Variants in NPAS3 observed in about 807,000 individuals in gnomAD.
NPAS3 encodes neuronal PAS domain-containing protein 3.
In NPAS3, 14 loss-of-function variants were observed where a neutral mutation model predicts 73.1. That is an observed-to-expected ratio of 0.19 (90% CI 0.13 to 0.30). The LOEUF (loss-of-function observed/expected upper bound fraction) is 0.30. Among genes scored for constraint, NPAS3 ranks in the 10% least tolerant of loss-of-function variants. NPAS3 has a pLI of 1.00. For synonymous variants in NPAS3, 620 were observed against 541.5 expected, an observed-to-expected ratio of 1.14 and a Z score of -2.01; for missense variants, 1,096 against 1,250.0, an observed-to-expected ratio of 0.88 and a Z score of 1.86.
chr14:33,657,491 C>T (rs2059177389), intron 5 of NPAS3, among the ~76,000 whole-genome samples: 1 of 152,176 alleles, frequency 6.6e-6, no homozygotes, highest in South Asian at 2.1e-4. Context: ...TCTTAAGTTC[C>T]TGGAAGAAGT....
chr14:33,089,531 C>A (rs1009492781), intron 2 of NPAS3, among the ~76,000 whole-genome samples: 1 of 152,190 alleles, frequency 6.6e-6, no homozygotes, highest in Non-Finnish European at 1.5e-5. Context: ...GATTGGTGTA[C>A]CTGAAACTGA....
chr14:33,270,304 C>G (rs1018782767), intron 3 of NPAS3, among the ~76,000 whole-genome samples: 1 of 151,994 alleles, frequency 6.6e-6, no homozygotes, highest in African/African-American at 2.4e-5. Context: ...AGTGATTGAC[C>G]CTATAAAAGG....
At chr14:33,537,508 A>C (rs1246314085) in intron 4 of NPAS3, among the ~76,000 whole-genome samples, 3 of 152,210 alleles carry the variant, frequency 2.0e-5, no homozygotes, top group African/African-American at 4.8e-5. Flanking sequence ...GACGTTAATC[A>C]GAATTGTAGT....
intron 5 of NPAS3, among the ~76,000 whole-genome samples, chr14:33,580,371 C>T (rs2056614505): frequency 6.6e-6 from 1 of 152,164 alleles, no homozygotes; most frequent in African/African-American, 2.4e-5. Flanking sequence ...TGAACCTAAT[C>T]CCATGCTTAA....
intron 1 of NPAS3, among the ~76,000 whole-genome samples, chr14:32,973,499 G>T (rs1458709644): frequency 6.7e-6 from 1 of 149,314 alleles, no homozygotes; most frequent in Non-Finnish European, 1.5e-5. Context: ...GCTTGTAAAT[G>T]CAATTCTGTT....
chr14:32,962,103 T>C (rs2036947962), intron 1 of NPAS3, among the ~76,000 whole-genome samples: 1 of 152,196 alleles, frequency 6.6e-6, no homozygotes, highest in African/African-American at 2.4e-5. Context: ...GTTGTGTTGC[T>C]TTTTGATGTT....
At position 33,058,586 on chromosome 14, in the gene NPAS3, CAGTT is replaced by C. The variant is rs1479074503; in HGVS notation, c.140+2593_140+2596del. 1.3e-4 allele frequency among the ~76,000 whole-genome samples: 20 copies of C among 152,312 alleles called. 1 individual carries two copies. In the South Asian group the frequency reaches 2.9e-3, roughly 22 times the overall value. ...TTCTAACTCTTGGTTACTATTCAAA[CAGTT>C]GGATATGTATCCAATTTAGTGGATC... is the stretch of plus-strand genomic sequence containing the variant. On this transcript the variant is annotated intron_variant, in intron 2 of 11. Transcript: ENST00000356141.
At chr14:33,265,005 AAGGC>A (rs1216003178) in intron 3 of NPAS3, among the ~76,000 whole-genome samples, 5 of 152,230 alleles carry the variant, frequency 3.3e-5, no homozygotes, top group Non-Finnish European at 7.3e-5. Flanking sequence ...GCCTAGCAGA[AAGGC>A]AGGCACAGAG....
At chr14:33,766,792 T>C (rs139938024) in intron 7 of NPAS3, among the ~76,000 whole-genome samples, 248 of 152,276 alleles carry the variant, frequency 1.6e-3, no homozygotes, top group African/African-American at 5.8e-3. Context: ...ACCTCTCCTG[T>C]TGCATCCTCC....
At chr14:33,649,404 C>T (rs1402324011) in intron 5 of NPAS3, among the ~76,000 whole-genome samples, 1 of 152,182 alleles carries the variant, frequency 6.6e-6, no homozygotes, top group Non-Finnish European at 1.5e-5. Context: ...GGGCTGAAAG[C>T]CCTTCAAAAT....
intron 1 of NPAS3, among the ~76,000 whole-genome samples, chr14:32,995,503 T>C (rs1349511103): frequency 6.6e-6 from 1 of 152,230 alleles, no homozygotes; most frequent in Non-Finnish European, 1.5e-5. Flanking sequence ...GGTGGAAATG[T>C]GATATGGTTT....
intron 4 of NPAS3, among the ~76,000 whole-genome samples, chr14:33,419,747 A>G (rs2139013451): frequency 6.6e-6 from 1 of 152,046 alleles, no homozygotes; most frequent in South Asian, 2.1e-4. Context: ...GGGTCTTACG[A>G]TAATCTGGTT....
At chr14:33,308,545 C>T (rs2042865947) in intron 3 of NPAS3, among the ~76,000 whole-genome samples, 1 of 119,054 alleles carries the variant, frequency 8.4e-6, no homozygotes, top group South Asian at 2.3e-4. Flanking sequence ...CACACACACA[C>T]ACACACACAC....
intron 2 of NPAS3, among the ~76,000 whole-genome samples, chr14:33,156,668 T>C (rs1056943321): frequency 6.6e-6 from 1 of 152,220 alleles, no homozygotes; most frequent in Admixed American, 6.5e-5. Context: ...ATTCCTTCCA[T>C]GTTTTCTAGA....
At chr14:33,709,064 AC>A (rs1283040009) in intron 6 of NPAS3, among the ~76,000 whole-genome samples, 1 of 152,172 alleles carries the variant, frequency 6.6e-6, no homozygotes, top group Non-Finnish European at 1.5e-5. Flanking sequence ...AGATGGTGTT[AC>A]CCCCATATAT....
intron 3 of NPAS3, among the ~76,000 whole-genome samples, chr14:33,335,068 G>GTGTGTGTGTGTGTA (rs1366925163): frequency 0.011 from 1,719 of 150,838 alleles, 35 homozygotes; most frequent in African/African-American, 0.04. Context: ...GTGTGTGTGT[G>GTGTGTGTGTGTGTA]TGTATCACAT....
intron 1 of NPAS3, among the ~76,000 whole-genome samples, chr14:33,000,282 C>CTA (rs1218359755): frequency 6.6e-6 from 1 of 152,154 alleles, no homozygotes; most frequent in African/African-American, 2.4e-5. Context: ...GTTTTAATGA[C>CTA]TATTGCCAAA....
intron 4 of NPAS3, among the ~76,000 whole-genome samples, chr14:33,497,692 T>C (rs978029335): frequency 6.6e-6 from 1 of 152,086 alleles, no homozygotes; most frequent in Non-Finnish European, 1.5e-5. Flanking sequence ...TATACAAAAA[T>C]TAACTCAAGA....
chr14:33,045,884 A>T (rs540891997), intron 1 of NPAS3, among the ~76,000 whole-genome samples: 90 of 152,298 alleles, frequency 5.9e-4, no homozygotes, highest in East Asian at 7.7e-4. Flanking sequence ...TTCTGAGCCT[A>T]TTCTGAGGTG....
Sources: allele counts gnomAD v4.1 joint callset (sites outside exome capture counted in the v4.1 genomes callset), GRCh38; gene constraint gnomAD v4.1.1; transcripts MANE v1.5; gene names NCBI Gene and HGNC (gene_info 2026-07-23, HGNC 2026-07-21).